Variants in XPO7 observed in about 807,000 individuals in gnomAD.
XPO7 encodes the protein exportin-7.
XPO7 carries 21 observed loss-of-function variants against 144.3 expected under a neutral mutation model. That is an observed-to-expected ratio of 0.15 (90% confidence interval 0.10 to 0.21). The LOEUF is 0.21. XPO7 is among the 10% of genes least tolerant of loss of function. The pLI is 1.00. For synonymous variants in XPO7, 580 were observed against 499.6 expected, an observed-to-expected ratio of 1.16 and a Z score of -2.15; for missense variants, 808 against 1,325.8, an observed-to-expected ratio of 0.61 and a Z score of 6.06.
At chr8:21,945,307 CAT>C (rs777743750) in intron 1 of XPO7, among the ~76,000 whole-genome samples, 2 of 152,152 alleles carry the variant, frequency 1.3e-5, no homozygotes, top group Non-Finnish European at 2.9e-5. Flanking sequence ...AAAGGAAACT[CAT>C]ATAAAAAACT....
rs950333850 is a variant in XPO7 at position 21,951,213 on chromosome 8, A to T, written c.19-15644A>T. ...ACTTGGTGGACATTATCCAGAGAGA[A>T]TCCTTGTTAGGTGACATAGGTAGAT... is the stretch of plus-strand genomic sequence containing the variant. On this transcript the variant is annotated intron_variant, in intron 1 of 27. Coordinates refer to ENST00000252512, the MANE Select transcript of XPO7 (RefSeq NM_015024.5). 4.6e-5 allele frequency among the ~76,000 whole-genome samples: 7 copies of T among 151,610 alleles called. 1 individual carries two copies. Among genetic ancestry groups the T allele is most frequent in the Non-Finnish European group, 7.4e-5 (5 of 67,950 alleles).
At chr8:21,998,878 A>C in intron 22 of XPO7, 41 bp downstream of exon 22, 1 of 1,603,526 alleles carries the variant, frequency 6.2e-7, no homozygotes. Context: ...AGTTAATTCC[A>C]GCTCAGTCAC....
chr8:21,966,636 AG>A (rs200957335), intron 1 of XPO7, among the ~76,000 whole-genome samples: 4,453 of 104,682 alleles, frequency 0.043, 211 homozygotes, highest in African/African-American at 0.17. Context: ...ATGATGAAAA[AG>A]TTATATAGGT....
At chr8:21,978,656 C>T (rs772752077) in intron 8 of XPO7, among the ~76,000 whole-genome samples, 15 of 152,218 alleles carry the variant, frequency 9.9e-5, no homozygotes, top group South Asian at 4.2e-4. Flanking sequence ...GACACCAGCA[C>T]GGGGTGGTGG....
At chr8:21,946,587 A>C (rs868686814) in intron 1 of XPO7, among the ~76,000 whole-genome samples, 4 of 36,140 alleles carry the variant, frequency 1.1e-4, no homozygotes, top group Non-Finnish European at 2.2e-4. Context: ...AAAAAAAAAC[A>C]AAAAAAAAAA....
chr8:21,940,938 T>A (rs1446028485), intron 1 of XPO7, among the ~76,000 whole-genome samples: 1 of 152,132 alleles, frequency 6.6e-6, no homozygotes, highest in Non-Finnish European at 1.5e-5. Context: ...CAAGCATATG[T>A]AATCAGCACA....
At position 21,966,838 on chromosome 8, in the gene XPO7, C is replaced by T; in HGVS notation, c.19-19C>T. 1 of 1,604,842 alleles carries T rather than the reference C, an allele frequency of 6.2e-7. No homozygotes were observed. The highest frequency in any genetic ancestry group is 8.5e-7 in the Non-Finnish European group (1 of 1,174,620). On this transcript the variant is annotated intron_variant, in intron 1 of 27. Coordinates refer to ENST00000252512, the MANE Select transcript of XPO7 (RefSeq NM_015024.5). The stretch of plus-strand genomic sequence containing the variant: ...TGTAGTAGGCTGAACTGTTTTCTTT[C>T]CTGACTGATCTTTTCCAGAGCCTGG...
chr8:21,978,810 AGCTGGAT>A (rs1465448085), intron 8 of XPO7, among the ~76,000 whole-genome samples: 2 of 152,190 alleles, frequency 1.3e-5, no homozygotes, highest in Non-Finnish European at 2.9e-5. Context: ...CTGCATAGCC[AGCTGGAT>A]GGTCGGAAGA....
chr8:21,987,096 C>T (rs775897541), intron 13 of XPO7, 45 bp from the exon 14 acceptor site: 2 of 1,611,238 alleles, frequency 1.2e-6, no homozygotes, highest in African/African-American at 2.7e-5. Flanking sequence ...CTAGAGTAAA[C>T]AGGATGTCCT....
chr8:21,921,171 C>T (rs1042445179), intron 1 of XPO7, among the ~76,000 whole-genome samples: 1 of 152,170 alleles, frequency 6.6e-6, no homozygotes, highest in East Asian at 1.9e-4. Flanking sequence ...AATAGTATAG[C>T]ACCTTGCGTT....
chr8:21,962,782 C>G (rs1208148374), intron 1 of XPO7, among the ~76,000 whole-genome samples: 2 of 152,216 alleles, frequency 1.3e-5, no homozygotes, highest in South Asian at 4.1e-4. Context: ...CATTCACCTT[C>G]TAACCTAACA....
Position 21,982,708 on chromosome 8 carries a change from G to A in XPO7, c.1173G>A (p.Val391=). 6.2e-7 allele frequency: 1 copy of A among 1,613,836 alleles called. No homozygotes were observed. The highest frequency in any genetic ancestry group is 8.5e-7 in the Non-Finnish European group (1 of 1,179,820). Residue 391 remains valine (V), a synonymous_variant, in exon 11 of 28, where the codon GTG becomes GTA. Transcript: ENST00000252512. ...LSLWQRLAAS[V]PYVKATEPHM... ...TGTGGCAGCGGCTGGCAGCCTCTGT[G>A]CCGTATGTCAAAGCCACAGAGCCCC... is the stretch of plus-strand genomic sequence containing the variant.
chr8:21,990,746 T>C (rs919816773), intron 17 of XPO7, 65 bp from the exon 18 acceptor site: 1 of 1,488,522 alleles, frequency 6.7e-7, no homozygotes, highest in Non-Finnish European at 9.3e-7. Flanking sequence ...ATTCTCTGAT[T>C]ACTGGCTTGC....
chr8:21,945,346 T>C (rs1357332213), intron 1 of XPO7, among the ~76,000 whole-genome samples: 1 of 145,952 alleles, frequency 6.9e-6, no homozygotes, highest in Non-Finnish European at 1.5e-5. Context: ...AACATGCTGG[T>C]CATAGACAGA....
chr8:21,973,342 G>A (rs1812126853), intron 5 of XPO7, among the ~76,000 whole-genome samples: 1 of 152,182 alleles, frequency 6.6e-6, no homozygotes, highest in African/African-American at 2.4e-5. Context: ...TTCTAAGAAA[G>A]TGATGAAATT....
chr8:21,937,948 A>G (rs1260240913), intron 1 of XPO7, among the ~76,000 whole-genome samples: 3 of 152,214 alleles, frequency 2.0e-5, no homozygotes, highest in African/African-American at 7.2e-5. Context: ...CTTCAGAGAA[A>G]TAAGATATAG....
chr8:21,953,490 A>G (rs764403222), intron 1 of XPO7, among the ~76,000 whole-genome samples: 6 of 152,248 alleles, frequency 3.9e-5, no homozygotes, highest in Non-Finnish European at 8.8e-5. Context: ...ATTTGTGTAC[A>G]GGTTTTGTGT....
At chr8:21,990,767 T>C in intron 17 of XPO7, 44 bp from the exon 18 acceptor site, 1 of 1,591,192 alleles carries the variant, frequency 6.3e-7, no homozygotes, top group Non-Finnish European at 8.6e-7. Flanking sequence ...ATTCTGCCTC[T>C]AACTCATGTT....
chr8:21,988,019 T>C (rs1302266941), intron 15 of XPO7, among the ~76,000 whole-genome samples, 162 bp downstream of exon 15: 1 of 152,250 alleles, frequency 6.6e-6, no homozygotes, highest in Non-Finnish European at 1.5e-5. Flanking sequence ...CTTAGAGATA[T>C]GGCCCGGCCC....
Sources: gnomAD v4.1 joint callset for allele counts (sites outside exome capture counted in the v4.1 genomes callset) on GRCh38, gnomAD v4.1.1 for gene constraint, MANE v1.5 for transcripts, NCBI Gene and HGNC (gene_info 2026-07-23, HGNC 2026-07-21) for gene names.